The following SGK1 variants were observed in gnomAD, a reference collection of about 807,000 sequenced individuals.
The protein encoded by SGK1 is serine/threonine-protein kinase Sgk1.
In SGK1, 26 loss-of-function variants were observed where a neutral mutation model predicts 64.2. That is an observed-to-expected ratio of 0.40 (90% CI 0.30 to 0.56). The LOEUF (loss-of-function observed/expected upper bound fraction) is 0.56, where lower values mean the gene tolerates loss of function less well. SGK1 is among the 20% of genes least tolerant of loss of function. The pLI is 0.38. For missense variants in SGK1, 519 were observed against 645.6 expected (o/e 0.80, Z 2.12); for synonymous variants, 265 against 239.7 (o/e 1.11, Z -0.98).
intron 2 of SGK1, among the ~76,000 whole-genome samples, chr6:134,234,654 A>G (rs1376421950): frequency 6.6e-6 from 1 of 152,054 alleles, no homozygotes; most frequent in Non-Finnish European, 1.5e-5. Context: ...GGGCGGGTGG[A>G]TCACCTGAGG....
intron 1 of SGK1, among the ~76,000 whole-genome samples, chr6:134,300,678 G>C (rs1777439800): frequency 7.0e-6 from 1 of 142,208 alleles, no homozygotes; most frequent in Admixed American, 7.5e-5. Flanking sequence ...TGTTGCCCAG[G>C]CTGGAGTGCA....
chr6:134,176,941 C>T (rs1335087179), intron 3 of SGK1, among the ~76,000 whole-genome samples: 4 of 152,194 alleles, frequency 2.6e-5, no homozygotes, highest in African/African-American at 9.7e-5. Context: ...TGGGGCCGGG[C>T]GCAGTGGCTC....
At chr6:134,215,134 C>CTTTCTTTCTT (rs569795606) in intron 2 of SGK1, 195 of 392,130 alleles carry the variant, frequency 5.0e-4, no homozygotes, top group East Asian at 3.8e-3. Context: ...TTCTTTCTTT[C>CTTTCTTTCTT]TTTTTTTTTT....
chr6:134,291,769 C>T (rs574341998), intron 1 of SGK1, among the ~76,000 whole-genome samples: 28 of 152,276 alleles, frequency 1.8e-4, no homozygotes, highest in African/African-American at 6.5e-4. Flanking sequence ...AATCTTTAAA[C>T]TACATTTGTG....
intron 3 of SGK1, among the ~76,000 whole-genome samples, chr6:134,183,731 G>T (rs909441663): frequency 2.7e-4 from 41 of 151,854 alleles, no homozygotes; most frequent in African/African-American, 9.0e-4. Context: ...GTTCTATGAT[G>T]TCTGGGAAAA....
chr6:134,248,358 T>C (rs1776555924), intron 2 of SGK1, among the ~76,000 whole-genome samples: 1 of 151,744 alleles, frequency 6.6e-6, no homozygotes, highest in African/African-American at 2.4e-5. Context: ...CAGTTAACAT[T>C]GATACAAGGT....
rs146104834 is a variant in SGK1, at chr6:134,274,995, G to A, written c.70-12847C>T. On this transcript the variant is annotated intron_variant, in intron 1 of 13. Coordinates refer to ENST00000367858, the MANE Select transcript of SGK1 (RefSeq NM_001143676.3). ...AATTTTTGTATTTTAGTAGAGACGG[G>A]GTTTCACCGTGTTGACCAAGTTAGT... Among the ~76,000 whole-genome samples the A allele has an allele frequency of 5.7e-3, 861 of 152,000 alleles. 8 individuals carry two copies. Among genetic ancestry groups the A allele is most frequent in the African/African-American group, 0.019 (799 of 41,430 alleles).
chr6:134,273,144 T>C (rs555191825), intron 1 of SGK1, among the ~76,000 whole-genome samples: 1 of 148,010 alleles, frequency 6.8e-6, no homozygotes, highest in South Asian at 2.2e-4. Flanking sequence ...AATGAGATGA[T>C]GCAGGTAAGC....
intron 1 of SGK1, chr6:134,297,081 C>G (rs1276905052): frequency 4.1e-6 from 2 of 483,470 alleles, no homozygotes; most frequent in Admixed American, 2.6e-5. Context: ...CCTGGTGGAG[C>G]TGATGTGGCT....
chr6:134,273,568 G>A (rs1382100965), intron 1 of SGK1, among the ~76,000 whole-genome samples: 2 of 116,244 alleles, frequency 1.7e-5, no homozygotes, highest in African/African-American at 3.5e-5. Context: ...ACTCCAGCCT[G>A]GGCGACAGAG....
intron 2 of SGK1, among the ~76,000 whole-genome samples, chr6:134,233,802 T>C (rs1007237589): frequency 1.3e-5 from 2 of 151,714 alleles, no homozygotes; most frequent in Admixed American, 6.6e-5. Context: ...TCTACTAGAT[T>C]CTGATTCTTT....
chr6:134,192,398 T>C (rs980473682), intron 3 of SGK1, among the ~76,000 whole-genome samples: 1 of 152,220 alleles, frequency 6.6e-6, no homozygotes, highest in Non-Finnish European at 1.5e-5. Context: ...GCTAATCTTT[T>C]CCTAAATCCT....
At chr6:134,194,426 ACTCT>A (rs1775565380) in intron 3 of SGK1, among the ~76,000 whole-genome samples, 1 of 151,764 alleles carries the variant, frequency 6.6e-6, no homozygotes, top group East Asian at 1.9e-4. Context: ...GCCCAGTGGA[ACTCT>A]CTGAGCCTCC....
intron 1 of SGK1, chr6:134,297,509 T>C: frequency 1.8e-6 from 1 of 562,906 alleles, no homozygotes. Flanking sequence ...TGGAGATCTC[T>C]GTCTTGTTTT....
At chr6:134,194,568 G>C (rs1431136164) in intron 3 of SGK1, among the ~76,000 whole-genome samples, 1 of 150,268 alleles carries the variant, frequency 6.7e-6, no homozygotes, top group Non-Finnish European at 1.5e-5. Context: ...ACCCAGGCTG[G>C]AGTGCAGTGG....
At chr6:134,208,887 T>C (rs1775838484) in intron 2 of SGK1, among the ~76,000 whole-genome samples, 1 of 49,026 alleles carries the variant, frequency 2.0e-5, no homozygotes, top group Admixed American at 3.0e-4. Flanking sequence ...TACATACATG[T>C]ATGTGTGTGT....
At chr6:134,214,892 C>CT (rs916516843) in intron 2 of SGK1, 4 of 306,862 alleles carry the variant, frequency 1.3e-5, no homozygotes, top group African/African-American at 2.2e-5. Flanking sequence ...AGAGATTTTT[C>CT]TTGTCTGATA....
chr6:134,175,591 C>T, intron 3 of SGK1: 2 of 1,570,882 alleles, frequency 1.3e-6, no homozygotes, highest in Non-Finnish European at 1.7e-6. Context: ...CGCCTCGGCC[C>T]TCTTTTTGTG....
chr6:134,298,626 G>T, intron 1 of SGK1: 2 of 1,279,870 alleles, frequency 1.6e-6, no homozygotes, highest in African/African-American at 1.5e-5. Flanking sequence ...ACTCGTGTAG[G>T]AGCGGCTGCT....
Sources: gnomAD v4.1 joint callset for allele counts (sites outside exome capture counted in the v4.1 genomes callset) on GRCh38, gnomAD v4.1.1 for gene constraint, MANE v1.5 for transcripts, NCBI Gene and HGNC (gene_info 2026-07-23, HGNC 2026-07-21) for gene names.